The following CETP variants were observed in gnomAD, a reference collection of about 807,000 sequenced individuals.
The protein encoded by CETP is cholesteryl ester transfer protein.
In CETP, 56 loss-of-function variants were observed where a neutral mutation model predicts 66.5. The ratio of observed to expected loss-of-function variants is 0.84; its 90% CI spans 0.68 to 1.05. The LOEUF (loss-of-function observed/expected upper bound fraction) is 1.05, where lower values mean the gene tolerates loss of function less well. Among genes scored for constraint, CETP ranks in the 50% least tolerant of loss-of-function variants. The pLI, the probability that CETP is intolerant of heterozygous loss-of-function variation, is 0.00. For missense variants in CETP, 612 were observed against 609.6 expected (o/e 1.00, Z -0.04); for synonymous variants, 251 against 245.7 (o/e 1.02, Z -0.20).
intron 2 of CETP, among the ~76,000 whole-genome samples, chr16:56,968,247 G>A (rs975420143): frequency 2.0e-5 from 3 of 151,884 alleles, no homozygotes; most frequent in African/African-American, 7.3e-5. Flanking sequence ...GTGTAATGGC[G>A]CGATCTCAGC....
chr16:56,973,475 C>G lies in CETP; in HGVS notation c.895C>G (p.Arg299Gly). The change falls in exon 9 of 16, where the codon CGC (arginine) becomes GGC (glycine). Residue 299 changes from arginine to glycine, a missense_variant. Physicochemically the swap from Arg to Gly is moderately radical, Grantham distance 125. Transcript: ENST00000200676. ...GGCCAAGGTAGCTTTCCAGGATGGC[C>G]GCCTCATGCTCAGCCTGATGGGAGA... ...SLAKVAFQDG[R>G]LMLSLMGDEF... 3 of 1,614,162 alleles carry G rather than the reference C, an allele frequency of 1.9e-6. No homozygotes were observed. The South Asian group carries it at 3.3e-5, about 18-fold the overall frequency.
chr16:56,972,658 C>T (rs1367961945), intron 8 of CETP, among the ~76,000 whole-genome samples: 1 of 152,234 alleles, frequency 6.6e-6, no homozygotes, highest in African/African-American at 2.4e-5. Flanking sequence ...CCACTCTGCT[C>T]ACAGCCCGTT....
At chr16:56,976,878 C>T (rs1344672709) in intron 10 of CETP, among the ~76,000 whole-genome samples, 1 of 151,960 alleles carries the variant, frequency 6.6e-6, no homozygotes, top group Non-Finnish European at 1.5e-5. Flanking sequence ...TACTTACCCA[C>T]TGAGATTTTC....
rs1255303473 is a variant in CETP, at chr16:56,981,590, G to A, written c.1215-57G>A. On this transcript the variant is annotated intron_variant, in intron 12 of 15. Transcript: ENST00000200676. ...TATTCTTAGAGTTTCTTTCCCAGGGGATGTTACAGGAGGGGGCCCAATGGA... is the reference window on the plus strand; with the variant it reads ...TATTCTTAGAGTTTCTTTCCCAGGGAATGTTACAGGAGGGGGCCCAATGGA... 83 of 1,578,152 alleles carry A rather than the reference G, an allele frequency of 5.3e-5. No homozygotes were observed. In the South Asian group the frequency reaches 5.9e-4, roughly 11 times the overall value.
chr16:56,981,513 C>A (rs1381245954), intron 12 of CETP, 134 bp from the exon 13 acceptor site: 101 of 1,126,824 alleles, frequency 9.0e-5, no homozygotes, highest in Non-Finnish European at 1.3e-4. Flanking sequence ...AATAGCAAAT[C>A]TCAAGAGAGT....
At chr16:56,976,563 C>T (rs1350224559) in intron 10 of CETP, among the ~76,000 whole-genome samples, 3 of 151,872 alleles carry the variant, frequency 2.0e-5, no homozygotes, top group African/African-American at 7.3e-5. Flanking sequence ...CCTCCACCTT[C>T]CGGGTTCAAG....
chr16:56,983,692 G>A lies in CETP; in HGVS notation c.*26G>A, dbSNP rs1336758465. 1 of 1,606,664 alleles carries A rather than the reference G, an allele frequency of 6.2e-7. No homozygotes were observed. The highest frequency in any genetic ancestry group is 8.5e-7 in the Non-Finnish European group (1 of 1,173,228). ...AAGTCTCCAAGGAGGTCGGGATGGG[G>A]CTTGTAGCAGAAGGCAAGCACCAGG... On this transcript the variant is annotated 3_prime_UTR_variant, in exon 16 of 16. Coordinates refer to ENST00000200676, the MANE Select transcript of CETP (RefSeq NM_000078.3).
In CETP at chr16:56,983,409, G is replaced by A; in HGVS notation, c.1405G>A (p.Asp469Asn). 1 of 1,614,190 alleles carries A rather than the reference G, an allele frequency of 6.2e-7. No individual in the cohort carries two copies. The highest frequency in any genetic ancestry group is 8.5e-7 in the Non-Finnish European group (1 of 1,179,980). ...DIINPEIITR[D>N]GFLLLQMDFG... is the part of the protein sequence containing the mutation. ...CATCAACCCTGAGATTATCACTCGA[G>A]ATGTGAGTACAAAGCCCCCCTCACC... The change falls in exon 15 of 16, where the codon GAT becomes AAT. Residue 469 changes from aspartate (D) to asparagine (N), a missense_variant and splice_region_variant. Physicochemically the swap from Asp to Asn is conservative, Grantham distance 23. Coordinates refer to ENST00000200676, the MANE Select transcript of CETP (RefSeq NM_000078.3).
intron 7 of CETP, among the ~76,000 whole-genome samples, 174 bp from the exon 8 acceptor site, chr16:56,971,818 C>T (rs1341819728): frequency 1.3e-5 from 2 of 152,124 alleles, no homozygotes; most frequent in Admixed American, 6.5e-5. Context: ...GACAGACAGA[C>T]TTGGGAAAAG....
In CETP at chr16:56,976,929, A is replaced by T. The variant is rs188690807; in HGVS notation, c.982-1162A>T. On this transcript the variant is annotated intron_variant, in intron 10 of 15. Transcript: ENST00000200676. The stretch of plus-strand genomic sequence containing the variant: ...ATTAATTAATTTATTTATTTTTGAG[A>T]CAGAGTCTCGCTCTTGTTCCCCAGG... Among the ~76,000 whole-genome samples the T allele has an allele frequency of 2.0e-5, 3 of 151,514 alleles. No individual in the cohort carries two copies. In the East Asian group the frequency reaches 5.9e-4, roughly 30 times the overall value.
chr16:56,965,272 AT>A (rs35585922), intron 2 of CETP, among the ~76,000 whole-genome samples: 13,052 of 152,272 alleles, frequency 0.086, 577 homozygotes, highest in African/African-American at 0.12. Context: ...CCAAACGTAT[AT>A]GAGTGGGGTA....
intron 11 of CETP, among the ~76,000 whole-genome samples, chr16:56,980,516 T>C (rs1290445133): frequency 6.6e-6 from 1 of 152,258 alleles, no homozygotes; most frequent in Non-Finnish European, 1.5e-5. Flanking sequence ...ATTACTTTCC[T>C]TTTCATTTTT....
chr16:56,968,277 G>A (rs544726905), intron 2 of CETP, among the ~76,000 whole-genome samples: 50 of 152,004 alleles, frequency 3.3e-4, no homozygotes, highest in African/African-American at 9.6e-4. Context: ...CTTCCGCCTC[G>A]TGGGTTCAGG....
At chr16:56,971,271 G>T in intron 6 of CETP, 50 bp from the exon 7 acceptor site, 1 of 1,590,728 alleles carries the variant, frequency 6.3e-7, no homozygotes, top group Non-Finnish European at 8.6e-7. Context: ...AGGAGGCACT[G>T]CCTCTGGCCT....
Position 56,982,210 on chromosome 16 carries a change from G to T in CETP, c.1294G>T (p.Ala432Ser), listed in dbSNP as rs2056193601. The change falls in exon 14 of 16, where the codon GCT becomes TCT. Residue 432 changes from alanine (A) to serine (S), a missense_variant. Physicochemically the swap from Ala to Ser is moderately conservative, Grantham distance 99 (BLOSUM62 1). Coordinates refer to ENST00000200676, the MANE Select transcript of CETP (RefSeq NM_000078.3). ...VQSFLQSMIT[A>S]VGIPEVMSRL... ...GAGCTTCCTGCAGTCAATGATCACC[G>T]CTGTGGGCATCCCTGAGGTCATGTC... 4 of 1,614,006 alleles carry T rather than the reference G, an allele frequency of 2.5e-6. No homozygotes were observed. The highest frequency in any genetic ancestry group is 1.3e-5 in the African/African-American group (1 of 74,890).
intron 1 of CETP, 143 bp downstream of exon 1, chr16:56,962,240 G>A: frequency 2.6e-6 from 2 of 781,234 alleles, no homozygotes; most frequent in Non-Finnish European, 4.6e-6. Context: ...AGGGAGATGG[G>A]CTGAGTGGAG....
At chr16:56,969,717 G>A in intron 4 of CETP, 36 bp downstream of exon 4, 1 of 1,609,726 alleles carries the variant, frequency 6.2e-7, no homozygotes, top group South Asian at 1.1e-5. Flanking sequence ...AGTGGGAGCT[G>A]GACTCCAGGG....
At chr16:56,965,611 T>C (rs1260815853) in intron 2 of CETP, among the ~76,000 whole-genome samples, 2 of 152,190 alleles carry the variant, frequency 1.3e-5, no homozygotes, top group African/African-American at 4.8e-5. Context: ...CGTGGGTAGC[T>C]GTGAGGATTA....
In CETP at chr16:56,963,103, A is replaced by T; in HGVS notation, c.212A>T (p.Gln71Leu). ...TGEKAMMLLG[Q>L]VKYGLHNIQI... ...GAGAAGGCCATGATGCTCCTTGGCC[A>T]AGTCAAGTATGGGTTGCACAAGTGA... Residue 71 changes from glutamine (Q) to leucine (L), a missense_variant, in exon 2 of 16, where the codon CAA (glutamine) becomes CTA (leucine). By Grantham distance (113) the Gln-to-Leu change is moderately radical. Coordinates refer to ENST00000200676, the MANE Select transcript of CETP (RefSeq NM_000078.3). 1 of 1,614,102 alleles carries T rather than the reference A, an allele frequency of 6.2e-7. No homozygotes were observed. Among genetic ancestry groups the T allele is most frequent in the Middle Eastern group, 1.6e-4 (1 of 6,062 alleles).
Sources: gnomAD v4.1 joint callset for allele counts (sites outside exome capture counted in the v4.1 genomes callset) on GRCh38, gnomAD v4.1.1 for gene constraint, MANE v1.5 for transcripts, NCBI Gene and HGNC (gene_info 2026-07-23, HGNC 2026-07-21) for gene names.